The following ARHGAP6 variants were observed in gnomAD, a reference collection of about 807,000 sequenced individuals.
ARHGAP6 encodes rho GTPase-activating protein 6.
ARHGAP6 carries 16 observed loss-of-function variants against 55.7 expected under a neutral mutation model. The ratio of observed to expected loss-of-function variants is 0.29; its 90% confidence interval spans 0.19 to 0.44. The LOEUF is 0.44. ARHGAP6 is among the 20% of genes least tolerant of loss of function. The probability of loss-of-function intolerance (pLI) is 1.00; values close to 1 mark genes in which losing one functional copy is unlikely to be tolerated. For missense variants in ARHGAP6, 698 were observed against 808.9 expected (o/e 0.86, Z 1.66); for synonymous variants, 382 against 360.9 (o/e 1.06, Z -0.66).
At chrX:11,311,426 G>A (rs1426287540) in intron 1 of ARHGAP6, among the ~76,000 whole-genome samples, 1 of 111,701 alleles carries the variant, frequency 9.0e-6, no homozygotes. Context: ...TCTATCCTGT[G>A]TCATGCTCAA....
intron 1 of ARHGAP6, among the ~76,000 whole-genome samples, chrX:11,369,232 C>T (rs986772811): frequency 8.1e-5 from 9 of 110,939 alleles, no homozygotes; most frequent in East Asian, 5.6e-4. Flanking sequence ...AGTATCTCTA[C>T]GGACTTTCAG....
intron 1 of ARHGAP6, among the ~76,000 whole-genome samples, chrX:11,398,586 A>G (rs1422219654): frequency 8.9e-6 from 1 of 112,069 alleles, no homozygotes; most frequent in Non-Finnish European, 1.9e-5. Context: ...GCTGGCATAG[A>G]CATATTTATA....
rs764626989 is a variant in ARHGAP6 at position 11,653,097 on chromosome X, A to G, written c.588+11144T>C. Among the ~76,000 whole-genome samples the G allele has an allele frequency of 4.5e-5, 5 of 112,266 alleles. No homozygotes were observed. In the South Asian group the frequency reaches 1.8e-3, roughly 41 times the overall value. The stretch of plus-strand genomic sequence containing the variant: ...CACTGTAGTATGTGGAAATAAAAAC[A>G]CACCTGGCTTGAAATGAGAAGCACA... On this transcript the variant is annotated intron_variant, in intron 1 of 12. Coordinates refer to ENST00000337414, the MANE Select transcript of ARHGAP6 (RefSeq NM_013427.3).
intron 1 of ARHGAP6, among the ~76,000 whole-genome samples, chrX:11,603,801 A>G (rs773076405): frequency 2.7e-5 from 3 of 112,434 alleles, no homozygotes; most frequent in Non-Finnish European, 5.6e-5. Flanking sequence ...GTCTGTATGC[A>G]TAACATCTCT....
chrX:11,509,275 A>G (rs1186857125), intron 1 of ARHGAP6, among the ~76,000 whole-genome samples: 4 of 112,105 alleles, frequency 3.6e-5, no homozygotes, highest in African/African-American at 1.3e-4. Context: ...ACAAAATAAA[A>G]TTTGAGATTT....
intron 1 of ARHGAP6, among the ~76,000 whole-genome samples, chrX:11,401,896 CATACATAT>C (rs2049553696): frequency 1.8e-5 from 2 of 112,075 alleles, no homozygotes; most frequent in South Asian, 7.4e-4. Flanking sequence ...GTTTTCATTG[CATACATAT>C]ATACATATAA....
At chrX:11,485,082 A>G (rs755495676) in intron 1 of ARHGAP6, among the ~76,000 whole-genome samples, 18 of 112,082 alleles carry the variant, frequency 1.6e-4, no homozygotes, top group African/African-American at 5.5e-4. Context: ...AGCCAGTGTA[A>G]TTACCCAATT....
chrX:11,240,504 G>C (rs1017703875), intron 2 of ARHGAP6, among the ~76,000 whole-genome samples: 5 of 111,809 alleles, frequency 4.5e-5, no homozygotes, highest in African/African-American at 1.6e-4. Context: ...AGTATTCTCT[G>C]CCCAGGGATG....
intron 1 of ARHGAP6, among the ~76,000 whole-genome samples, chrX:11,443,921 C>T (rs1461060372): frequency 9.1e-6 from 1 of 109,726 alleles, no homozygotes; most frequent in African/African-American, 3.3e-5. Context: ...GAGCGAGACT[C>T]CGTCTCAAAC....
chrX:11,322,919 T>C (rs2048451745), intron 1 of ARHGAP6, among the ~76,000 whole-genome samples: 1 of 112,618 alleles, frequency 8.9e-6, no homozygotes, highest in Non-Finnish European at 1.9e-5. Context: ...CTTTACATGA[T>C]GTAACTTATA....
intron 3 of ARHGAP6, among the ~76,000 whole-genome samples, chrX:11,195,798 C>A (rs2046526878): frequency 9.3e-6 from 1 of 107,268 alleles, no homozygotes; most frequent in Admixed American, 1.0e-4. Flanking sequence ...GCACATGTAC[C>A]CTTGAACCTA....
At chrX:11,458,204 C>T (rs773990432) in intron 1 of ARHGAP6, among the ~76,000 whole-genome samples, 5 of 112,331 alleles carry the variant, frequency 4.5e-5, no homozygotes, top group Middle Eastern at 4.6e-3. Flanking sequence ...CAAGATAATC[C>T]TAAATTTGAT....
chrX:11,395,856 C>A (rs1174524010), intron 1 of ARHGAP6, among the ~76,000 whole-genome samples: 1 of 111,994 alleles, frequency 8.9e-6, no homozygotes, highest in African/African-American at 3.2e-5. Flanking sequence ...ATAATTATCT[C>A]TGAATAATTT....
intron 1 of ARHGAP6, among the ~76,000 whole-genome samples, chrX:11,363,739 G>A (rs1237965988): frequency 8.9e-6 from 1 of 112,047 alleles, no homozygotes; most frequent in East Asian, 2.8e-4. Flanking sequence ...AACCTAAGTC[G>A]AAATTACTTT....
chrX:11,213,202 G>T (rs1299033653), intron 2 of ARHGAP6, among the ~76,000 whole-genome samples: 2 of 113,172 alleles, frequency 1.8e-5, no homozygotes, highest in Non-Finnish European at 3.7e-5. Flanking sequence ...CCCTTTGGGT[G>T]CAATGGCCAT....
At chrX:11,647,712 C>T (rs966216373) in intron 1 of ARHGAP6, among the ~76,000 whole-genome samples, 3 of 112,136 alleles carry the variant, frequency 2.7e-5, no homozygotes, top group Non-Finnish European at 5.6e-5. Context: ...TGAAAAGCAT[C>T]ATCAATAAAA....
chrX:11,297,045 C>A (rs2048097831), intron 1 of ARHGAP6, among the ~76,000 whole-genome samples: 1 of 111,574 alleles, frequency 9.0e-6, no homozygotes, highest in African/African-American at 3.3e-5. Context: ...AGTCTGTCCT[C>A]CTAAATATGG....
rs182100505 is a variant in ARHGAP6, at chrX:11,365,943, G to T, written c.589-111236C>A. Among the ~76,000 whole-genome samples, 938 of 112,354 alleles carry T rather than the reference G, an allele frequency of 8.3e-3. 8 individuals are homozygous for T. The highest frequency in any genetic ancestry group is 0.028 in the Middle Eastern group (6 of 215). On this transcript the variant is annotated intron_variant, in intron 1 of 12. Transcript: ENST00000337414. ...GGTGCCAGCAGAGTTCAGTTCTGAT[G>T]AGGGATCTCCTCCTGGCTTGCAGAC... is the stretch of plus-strand genomic sequence containing the variant.
At chrX:11,238,809 A>G (rs764545305) in intron 2 of ARHGAP6, among the ~76,000 whole-genome samples, 15 of 111,810 alleles carry the variant, frequency 1.3e-4, no homozygotes, top group Middle Eastern at 4.7e-3. Context: ...TCCAGCCCCA[A>G]TCAAGCCCTA....
Sources: allele counts gnomAD v4.1 joint callset (sites outside exome capture counted in the v4.1 genomes callset), GRCh38; gene constraint gnomAD v4.1.1; transcripts MANE v1.5; gene names NCBI Gene and HGNC (gene_info 2026-07-23, HGNC 2026-07-21).